SPATA13: variants seen among roughly 807,000 people sequenced by gnomAD.
SPATA13 encodes spermatogenesis-associated protein 13.
SPATA13 carries 50 observed loss-of-function variants against 104.0 expected under a neutral mutation model. That is an observed-to-expected ratio of 0.48 (90% confidence interval 0.38 to 0.61). The LOEUF (loss-of-function observed/expected upper bound fraction) is 0.61, where lower values mean the gene tolerates loss of function less well. Among genes scored for constraint, SPATA13 ranks in the 20% least tolerant of loss-of-function variants. The probability of loss-of-function intolerance (pLI) is 0.00; values close to 1 mark genes in which losing one functional copy is unlikely to be tolerated. For missense variants in SPATA13, 1,524 were observed against 1,690.6 expected, an observed-to-expected ratio of 0.90 and a Z score of 1.73; for synonymous variants, 606 against 667.5, an observed-to-expected ratio of 0.91 and a Z score of 1.42.
At chr13:24,301,089 G>A (rs1371310454) in intron 12 of SPATA13, among the ~76,000 whole-genome samples, 2 of 152,098 alleles carry the variant, frequency 1.3e-5, no homozygotes, top group African/African-American at 4.8e-5. Context: ...ACTAAGATTT[G>A]TCCACACAAA....
chr13:24,269,976 C>T (rs1378214879), intron 4 of SPATA13, among the ~76,000 whole-genome samples: 1 of 151,910 alleles, frequency 6.6e-6, no homozygotes, highest in Non-Finnish European at 1.5e-5. Context: ...CCTGCGTCAT[C>T]CTCCTGAGTA....
At position 24,088,085 on chromosome 13, in the gene SPATA13, A is replaced by G. The variant is rs1879791802; in HGVS notation, c.-112+70384A>G. Among the ~76,000 whole-genome samples the G allele has an allele frequency of 6.6e-6, 1 of 152,190 alleles. No homozygotes were observed. The highest frequency in any genetic ancestry group is 6.5e-5 in the Admixed American group (1 of 15,276). ...TGAATCAGCCAAATGCCTAGCTGAG[A>G]TGAAAGTCCTGGGGTCACACACTTC... On this transcript the variant is annotated intron_variant, in intron 3 of 14. Transcript: ENST00000424834. The surrounding 1 kb of genome is among the most constrained non-coding windows in gnomAD (Gnocchi z 4.3).
chr13:24,001,978 G>A (rs1875995533), intron 2 of SPATA13, among the ~76,000 whole-genome samples: 1 of 152,096 alleles, frequency 6.6e-6, no homozygotes, highest in Non-Finnish European at 1.5e-5. Flanking sequence ...CACTCATGTA[G>A]ACATTGAAGT....
At chr13:24,241,365 T>C (rs34056281) in intron 2 of SPATA13, among the ~76,000 whole-genome samples, 28 of 152,324 alleles carry the variant, frequency 1.8e-4, no homozygotes, top group Non-Finnish European at 2.9e-4. Flanking sequence ...AGATGGTCCC[T>C]AAAGTAGCAG....
chr13:24,260,914 A>T (rs1431666528), intron 4 of SPATA13, among the ~76,000 whole-genome samples: 3 of 152,164 alleles, frequency 2.0e-5, no homozygotes, highest in Non-Finnish European at 1.5e-5. Flanking sequence ...GCCTTAAGTT[A>T]TGTTCATGGC....
chr13:24,091,775 G>A (rs979442116), intron 3 of SPATA13, among the ~76,000 whole-genome samples: 4 of 152,126 alleles, frequency 2.6e-5, no homozygotes, highest in Admixed American at 1.3e-4. Flanking sequence ...CATGCCCTTG[G>A]GTGACAGAGG....
At chr13:24,187,072 C>T (rs937556883) in intron 1 of SPATA13, among the ~76,000 whole-genome samples, 6 of 152,160 alleles carry the variant, frequency 3.9e-5, no homozygotes, top group Admixed American at 2.0e-4. Flanking sequence ...CATGTTATGA[C>T]AGCCTAGCAC....
intron 3 of SPATA13, among the ~76,000 whole-genome samples, chr13:24,061,525 A>T (rs1438732369): frequency 6.6e-5 from 10 of 152,240 alleles, no homozygotes; most frequent in Non-Finnish European, 1.5e-4. Flanking sequence ...GCACCATGGA[A>T]TACTATGCAG....
At chr13:24,017,671 T>C (rs1396361833) in exon 3 of SPATA13, 1 of 985,298 alleles carries the variant, frequency 1.0e-6, no homozygotes, top group Non-Finnish European at 1.2e-6. Flanking sequence ...TTCCAGAGCT[T>C]GTCTTCAAGA....
rs773750519 is a variant in SPATA13, at chr13:24,286,053, C to A, written c.2302-161C>A. 1.3e-5 allele frequency among the ~76,000 whole-genome samples: 2 copies of A among 152,162 alleles called. No individual in the cohort carries two copies. Among genetic ancestry groups the A allele is most frequent in the African/African-American group, 2.4e-5 (1 of 41,442 alleles). ...TTTTCTTAGTCTGTTCTCCTGGGTT[C>A]TCTTTGTGTAACCAGTCACATAGTC... On this transcript the variant is annotated intron_variant, in intron 5 of 12. Transcript: ENST00000382108. The surrounding 1 kb of genome is among the most constrained non-coding windows in gnomAD (Gnocchi z 4.9).
chr13:24,274,918 T>C (rs1331196425), intron 4 of SPATA13, among the ~76,000 whole-genome samples: 1 of 152,168 alleles, frequency 6.6e-6, no homozygotes, highest in Non-Finnish European at 1.5e-5. Context: ...GTCTCCTTGT[T>C]GTCAAGTGCC....
At chr13:24,294,330 G>T (rs1876605076) in intron 9 of SPATA13, among the ~76,000 whole-genome samples, 1 of 152,190 alleles carries the variant, frequency 6.6e-6, no homozygotes, top group Non-Finnish European at 1.5e-5. Flanking sequence ...AGTCACTGTT[G>T]AAAATGGTTA....
At chr13:24,261,193 G>T (rs1299667804) in intron 4 of SPATA13, among the ~76,000 whole-genome samples, 2 of 152,220 alleles carry the variant, frequency 1.3e-5, no homozygotes, top group African/African-American at 4.8e-5. Context: ...TCGGGAGTCT[G>T]TTGCCTCGGA....
At chr13:24,228,196 C>T (rs1453881869) in intron 2 of SPATA13, among the ~76,000 whole-genome samples, 1 of 147,978 alleles carries the variant, frequency 6.8e-6, no homozygotes, top group Non-Finnish European at 1.5e-5. Context: ...TCACTGCAAG[C>T]TCCACCTCCC....
intron 3 of SPATA13, among the ~76,000 whole-genome samples, chr13:24,109,871 A>C (rs1049821336): frequency 6.6e-6 from 1 of 151,776 alleles, no homozygotes; most frequent in African/African-American, 2.4e-5. Flanking sequence ...TTTCCTTGGG[A>C]TATATTTCTA....
chr13:24,152,643 C>T (rs1882130482), intron 3 of SPATA13, among the ~76,000 whole-genome samples: 1 of 152,204 alleles, frequency 6.6e-6, no homozygotes, highest in African/African-American at 2.4e-5. Flanking sequence ...AAAATGATGC[C>T]CATGGCCTTT....
chr13:24,115,511 A>C (rs373824193), intron 3 of SPATA13, among the ~76,000 whole-genome samples: 10 of 152,256 alleles, frequency 6.6e-5, no homozygotes, highest in African/African-American at 2.2e-4. Flanking sequence ...CGTGCTCCTT[A>C]TGAGAATCTA....
intron 2 of SPATA13, among the ~76,000 whole-genome samples, chr13:24,000,431 A>T (rs1268248489): frequency 6.6e-6 from 1 of 152,162 alleles, no homozygotes; most frequent in Non-Finnish European, 1.5e-5. Flanking sequence ...TAAGCCAGAC[A>T]GCTCTTGGTG....
At chr13:24,151,607 T>G (rs1164367475) in intron 3 of SPATA13, among the ~76,000 whole-genome samples, 2 of 152,198 alleles carry the variant, frequency 1.3e-5, no homozygotes, top group African/African-American at 4.8e-5. Context: ...TACTGGAGTT[T>G]TTTTTCCTTT....
Sources: allele counts gnomAD v4.1 joint callset (sites outside exome capture counted in the v4.1 genomes callset), GRCh38; gene constraint gnomAD v4.1.1; non-coding constraint Gnocchi (gnomAD v3.1); transcripts MANE v1.5; gene names NCBI Gene and HGNC (gene_info 2026-07-23, HGNC 2026-07-21).